CD247: variants seen among roughly 807,000 people sequenced by gnomAD.
CD247 encodes the protein T-cell surface glycoprotein CD3 zeta chain.
Under a neutral mutation model 30.0 loss-of-function variants are expected in CD247, and 13 were observed. The observed-to-expected ratio is 0.43, with a 90% CI of 0.28 to 0.69. The LOEUF (loss-of-function observed/expected upper bound fraction) is 0.69, where lower values mean the gene tolerates loss of function less well. Among genes scored for constraint, CD247 ranks in the 30% least tolerant of loss-of-function variants. The pLI, the probability that CD247 is intolerant of heterozygous loss-of-function variation, is 0.16. For missense variants in CD247, 193 were observed against 212.6 expected, an observed-to-expected ratio of 0.91 and a Z score of 0.57; for synonymous variants, 72 against 80.0, an observed-to-expected ratio of 0.90 and a Z score of 0.53.
At position 167,433,016 on chromosome 1, in the gene CD247, G is replaced by C; in HGVS notation, c.429+8C>G. 1 of 1,614,136 alleles carries C rather than the reference G, an allele frequency of 6.2e-7. No individual in the cohort carries two copies. The highest frequency in any genetic ancestry group is 2.2e-5 in the East Asian group (1 of 44,880). ...CCCTTCCACTGAAGGGACGCCGGCAGCTCCTACCTGGTAAAGGCCATCGTG... is the reference window on the plus strand; with the variant it reads ...CCCTTCCACTGAAGGGACGCCGGCACCTCCTACCTGGTAAAGGCCATCGTG... On this transcript the variant is annotated splice_region_variant and intron_variant, in intron 7 of 7. Coordinates refer to ENST00000362089, the MANE Select transcript of CD247 (RefSeq NM_198053.3).
At chr1:167,477,545 T>C (rs756399825) in intron 1 of CD247, among the ~76,000 whole-genome samples, 1 of 152,124 alleles carries the variant, frequency 6.6e-6, no homozygotes, top group Non-Finnish European at 1.5e-5. Context: ...GACAGGGTCT[T>C]ACTCTGTCAC....
chr1:167,509,801 G>A (rs1163093038), intron 1 of CD247, among the ~76,000 whole-genome samples: 1 of 152,152 alleles, frequency 6.6e-6, no homozygotes, highest in Non-Finnish European at 1.5e-5. Flanking sequence ...AGAATTAAGG[G>A]GTGAACAGGG....
chr1:167,471,930 T>A (rs1161485347), intron 1 of CD247, among the ~76,000 whole-genome samples: 1 of 151,368 alleles, frequency 6.6e-6, no homozygotes, highest in Non-Finnish European at 1.5e-5. Context: ...CCTCCTGGAT[T>A]CAAGCAATTC....
At chr1:167,498,610 C>G (rs1025228123) in intron 1 of CD247, among the ~76,000 whole-genome samples, 16 of 152,238 alleles carry the variant, frequency 1.1e-4, no homozygotes, top group Non-Finnish European at 1.9e-4. Flanking sequence ...GCCCATTACA[C>G]ACATTTTCTT....
chr1:167,464,787 CTG>C (rs1185012947), intron 1 of CD247, among the ~76,000 whole-genome samples: 2 of 152,124 alleles, frequency 1.3e-5, no homozygotes, highest in African/African-American at 4.8e-5. Context: ...TCAATTGTCT[CTG>C]TTTTAAAGGC....
At chr1:167,447,787 G>T (rs144695177) in intron 1 of CD247, among the ~76,000 whole-genome samples, 1 of 152,176 alleles carries the variant, frequency 6.6e-6, no homozygotes, top group Non-Finnish European at 1.5e-5. Context: ...ATCCAGGTAG[G>T]AGTGGCCAGC....
chr1:167,501,211 C>G (rs1469277138), intron 1 of CD247, among the ~76,000 whole-genome samples: 1 of 151,998 alleles, frequency 6.6e-6, no homozygotes, highest in Non-Finnish European at 1.5e-5. Flanking sequence ...TGCCACCACA[C>G]CTGGCTAATT....
At chr1:167,484,763 G>A (rs1167633356) in intron 1 of CD247, among the ~76,000 whole-genome samples, 2 of 152,220 alleles carry the variant, frequency 1.3e-5, no homozygotes, top group Non-Finnish European at 2.9e-5. Context: ...GCGACAGAGC[G>A]AGACTCTGTC....
At chr1:167,511,207 T>C (rs1655373075) in intron 1 of CD247, among the ~76,000 whole-genome samples, 2 of 152,242 alleles carry the variant, frequency 1.3e-5, no homozygotes, top group Admixed American at 1.3e-4. Context: ...GACGGTGTGC[T>C]GTTCTTTTAG....
intron 5 of CD247, 130 bp from the exon 6 acceptor site, chr1:167,434,206 G>T: frequency 1.2e-6 from 1 of 825,108 alleles, no homozygotes; most frequent in Non-Finnish European, 2.1e-6. Flanking sequence ...CCACAATCAA[G>T]GCTCCAAACC....
Position 167,505,154 on chromosome 1 carries a change from A to G in CD247, c.58+13254T>C, listed in dbSNP as rs112560091. Among the ~76,000 whole-genome samples, 668 of 152,268 alleles carry G rather than the reference A, an allele frequency of 4.4e-3. 3 individuals carry two copies. The highest frequency in any genetic ancestry group is 0.016 in the African/African-American group (647 of 41,556). ...CTTTTCTTTTTCTTTTTTTAGAGAC[A>G]GGGTCTTGCTCTGTCTCCCAGCCTA... On this transcript the variant is annotated intron_variant, in intron 1 of 7. Coordinates refer to ENST00000362089, the MANE Select transcript of CD247 (RefSeq NM_198053.3).
rs537102724 is a variant in CD247, at chr1:167,499,391, C to T, written c.58+19017G>A. ...GACCCAGCTGGAGACTAACCAAATA[C>T]CAGAAAGAGCAGCTGTTTTATTTCT... On this transcript the variant is annotated intron_variant, in intron 1 of 7. Coordinates refer to ENST00000362089, the MANE Select transcript of CD247 (RefSeq NM_198053.3). Among the ~76,000 whole-genome samples, 272 of 152,230 alleles carry T rather than the reference C, an allele frequency of 1.8e-3. 1 individual carries two copies. The highest frequency in any genetic ancestry group is 6.2e-3 in the African/African-American group (258 of 41,550).
intron 1 of CD247, among the ~76,000 whole-genome samples, chr1:167,463,349 C>T (rs1653107701): frequency 6.6e-6 from 1 of 152,198 alleles, no homozygotes; most frequent in Non-Finnish European, 1.5e-5. Flanking sequence ...CACCAGGATG[C>T]ACCCAATTAG....
intron 1 of CD247, among the ~76,000 whole-genome samples, chr1:167,483,032 G>A (rs1295055588): frequency 7.6e-5 from 8 of 105,262 alleles, no homozygotes. Flanking sequence ...TTTTGAGACT[G>A]AGTTTCGCTG....
rs1421940543 is a variant in CD247 at position 167,430,768 on chromosome 1, A to G, written c.*913T>C. On this transcript the variant is annotated 3_prime_UTR_variant, in exon 8 of 8. Transcript: ENST00000362089. The stretch of plus-strand genomic sequence containing the variant: ...CATGGCCTGTGCCCTGTAATGACGC[A>G]GCAGTATCCTAGTACATTGACGGGT... 1.3e-5 allele frequency: 5 copies of G among 398,600 alleles called. No homozygotes were observed. The highest frequency in any genetic ancestry group is 4.1e-5 in the African/African-American group (2 of 48,660). 24.7% of individuals were successfully genotyped at this position (398,600 alleles called of 1,614,324 possible). A position where few individuals can be genotyped will look rare whatever the true frequency, so the allele number is the denominator to read the frequency against.
chr1:167,476,674 A>T (rs1346823577), intron 1 of CD247, among the ~76,000 whole-genome samples: 1 of 152,184 alleles, frequency 6.6e-6, no homozygotes, highest in South Asian at 2.1e-4. Context: ...AAATAGAAAA[A>T]TTAGCCAGGC....
chr1:167,490,249 C>T (rs568955243), intron 1 of CD247, among the ~76,000 whole-genome samples: 1 of 152,334 alleles, frequency 6.6e-6, no homozygotes, highest in Admixed American at 6.5e-5. Flanking sequence ...CTCCACCTTC[C>T]CCGTCATCTG....
intron 1 of CD247, among the ~76,000 whole-genome samples, chr1:167,509,961 G>A (rs1265497612): frequency 1.3e-5 from 2 of 152,148 alleles, no homozygotes; most frequent in Non-Finnish European, 1.5e-5. Context: ...AAAAGTCTAT[G>A]CAGCTATGAA....
intron 1 of CD247, among the ~76,000 whole-genome samples, chr1:167,516,262 C>T (rs1395655400): frequency 6.6e-6 from 1 of 152,258 alleles, no homozygotes; most frequent in Admixed American, 6.5e-5. Flanking sequence ...TCTGCAGGCA[C>T]AAGTGTGCCC....
Sources: allele counts gnomAD v4.1 joint callset (sites outside exome capture counted in the v4.1 genomes callset), GRCh38; gene constraint gnomAD v4.1.1; transcripts MANE v1.5; gene names NCBI Gene and HGNC (gene_info 2026-07-23, HGNC 2026-07-21).